Variants in ROBO2 observed in about 807,000 individuals in gnomAD.
ROBO2 encodes roundabout homolog 2.
ROBO2 carries 53 observed loss-of-function variants against 160.8 expected under a neutral mutation model. That is an observed-to-expected ratio of 0.33 (90% CI 0.26 to 0.41). The LOEUF is 0.41. ROBO2 is among the 10% of genes least tolerant of loss of function. The pLI is 1.00. For synonymous variants in ROBO2, 664 were observed against 611.7 expected, an observed-to-expected ratio of 1.09 and a Z score of -1.26; for missense variants, 1,577 against 1,722.4, an observed-to-expected ratio of 0.92 and a Z score of 1.49.
At chr3:76,339,237 C>T (rs1277124303) in intron 2 of ROBO2, among the ~76,000 whole-genome samples, 1 of 152,072 alleles carries the variant, frequency 6.6e-6, no homozygotes. Flanking sequence ...AGAGTAAACA[C>T]TGATGCACCT....
intron 2 of ROBO2, among the ~76,000 whole-genome samples, chr3:76,618,710 T>C (rs183344551): frequency 2.0e-5 from 3 of 151,896 alleles, no homozygotes; most frequent in African/African-American, 7.3e-5. Context: ...CTAATATACC[T>C]AATACACAAA....
At chr3:76,540,127 G>A (rs1254802547) in intron 2 of ROBO2, among the ~76,000 whole-genome samples, 2 of 152,096 alleles carry the variant, frequency 1.3e-5, no homozygotes, top group Admixed American at 6.5e-5. Context: ...AAAAAAAAAG[G>A]TTTGTTGGAA....
At chr3:76,105,478 G>A (rs1210627275) in intron 2 of ROBO2, among the ~76,000 whole-genome samples, 1 of 152,068 alleles carries the variant, frequency 6.6e-6, no homozygotes, top group Non-Finnish European at 1.5e-5. Context: ...ACATGTATCT[G>A]TATCCCTAGA....
chr3:77,459,310 C>A (rs1299737092), intron 2 of ROBO2, among the ~76,000 whole-genome samples: 1 of 152,174 alleles, frequency 6.6e-6, no homozygotes, highest in Non-Finnish European at 1.5e-5. Context: ...GTAAACTCAA[C>A]AATTAGACCA....
intron 2 of ROBO2, among the ~76,000 whole-genome samples, chr3:76,854,016 CTTT>C (rs2069717829): frequency 1.3e-5 from 1 of 79,286 alleles, no homozygotes; most frequent in Non-Finnish European, 2.6e-5. Context: ...AAAGCATAGA[CTTT>C]CTCTCTCTCT....
At chr3:76,224,926 C>G (rs918477091) in intron 2 of ROBO2, among the ~76,000 whole-genome samples, 2 of 152,136 alleles carry the variant, frequency 1.3e-5, no homozygotes, top group Non-Finnish European at 2.9e-5. Flanking sequence ...TGTGAGCAAT[C>G]TTTTTAGAGT....
At chr3:77,466,239 G>A (rs1186020779) in intron 2 of ROBO2, among the ~76,000 whole-genome samples, 1 of 152,102 alleles carries the variant, frequency 6.6e-6, no homozygotes, top group African/African-American at 2.4e-5. Context: ...TGTCAAATTG[G>A]ATCTAATTCA....
chr3:76,480,800 A>G (rs1302428457), intron 2 of ROBO2, among the ~76,000 whole-genome samples: 1 of 152,168 alleles, frequency 6.6e-6, no homozygotes. Context: ...CATTCAGATT[A>G]TAGCAAAGAT....
chr3:77,632,315 A>T (rs964295831), intron 23 of ROBO2: 1 of 549,002 alleles, frequency 1.8e-6, no homozygotes, highest in Non-Finnish European at 3.1e-6. Flanking sequence ...TGCACAAAAA[A>T]TGTTTAAAAT....
At chr3:76,552,939 T>C (rs1333723249) in intron 2 of ROBO2, among the ~76,000 whole-genome samples, 1 of 152,188 alleles carries the variant, frequency 6.6e-6, no homozygotes, top group Non-Finnish European at 1.5e-5. Context: ...TAGGAGGCCA[T>C]CAAAGGATAT....
chr3:77,210,729 C>T (rs567729993), intron 2 of ROBO2, among the ~76,000 whole-genome samples: 1 of 151,818 alleles, frequency 6.6e-6, no homozygotes, highest in African/African-American at 2.4e-5. Flanking sequence ...CTAATGCTAT[C>T]CCTCCCCCTT....
intron 2 of ROBO2, among the ~76,000 whole-genome samples, chr3:76,218,079 A>G (rs1367907015): frequency 6.6e-6 from 1 of 152,208 alleles, no homozygotes; most frequent in Non-Finnish European, 1.5e-5. Context: ...TTATCTCAAT[A>G]GATGCAAAAA....
chr3:75,964,627 A>T (rs1388221566), intron 2 of ROBO2, among the ~76,000 whole-genome samples: 1 of 151,668 alleles, frequency 6.6e-6, no homozygotes, highest in African/African-American at 2.4e-5. Flanking sequence ...TTTAGACAAC[A>T]TGAAAATATC....
intron 21 of ROBO2, among the ~76,000 whole-genome samples, chr3:77,613,233 T>TA (rs2094691244): frequency 6.6e-6 from 1 of 151,724 alleles, no homozygotes; most frequent in African/African-American, 2.4e-5. Context: ...TTTTTTTTTT[T>TA]AAATTTCATG....
intron 2 of ROBO2, among the ~76,000 whole-genome samples, chr3:75,965,424 A>G (rs376149389): frequency 5.5e-4 from 2 of 3,624 alleles, no homozygotes; most frequent in African/African-American, 5.7e-4. Context: ...TACATGTGCA[A>G]TCACTATTGT....
At chr3:77,538,269 C>T (rs1048447782) in intron 6 of ROBO2, among the ~76,000 whole-genome samples, 4 of 149,300 alleles carry the variant, frequency 2.7e-5, no homozygotes, top group African/African-American at 9.9e-5. Context: ...AGCTCCGCCT[C>T]CCGGGTTCAC....
chr3:76,884,600 GA>G (rs2073695766), intron 2 of ROBO2, among the ~76,000 whole-genome samples: 1 of 152,126 alleles, frequency 6.6e-6, no homozygotes, highest in South Asian at 2.1e-4. Context: ...TGCAATCTAG[GA>G]ACATAGTTGT....
intron 2 of ROBO2, among the ~76,000 whole-genome samples, chr3:75,960,078 T>C (rs1455556818): frequency 1.3e-5 from 2 of 151,274 alleles, no homozygotes; most frequent in African/African-American, 2.4e-5. Context: ...TTCCATAGAG[T>C]ACTTTGCTGG....
At chr3:76,430,065 C>A (rs917729433) in intron 2 of ROBO2, among the ~76,000 whole-genome samples, 2 of 152,092 alleles carry the variant, frequency 1.3e-5, no homozygotes, top group African/African-American at 2.4e-5. Flanking sequence ...AGAGGTGAGG[C>A]AAAGGGGATA....
Sources: gnomAD v4.1 joint callset for allele counts (sites outside exome capture counted in the v4.1 genomes callset) on GRCh38, gnomAD v4.1.1 for gene constraint, MANE v1.5 for transcripts, NCBI Gene and HGNC (gene_info 2026-07-23, HGNC 2026-07-21) for gene names.